Variants in TMPRSS7 observed in about 807,000 individuals in gnomAD.
TMPRSS7 encodes the protein transmembrane protease serine 7.
In TMPRSS7, 81 loss-of-function variants were observed where a neutral mutation model predicts 95.6. That is an observed-to-expected ratio of 0.85 (90% CI 0.71 to 1.02). The LOEUF (loss-of-function observed/expected upper bound fraction) is 1.02. TMPRSS7 is among the 50% of genes least tolerant of loss of function. The pLI is 0.00. For synonymous variants in TMPRSS7, 364 were observed against 337.8 expected, an observed-to-expected ratio of 1.08 and a Z score of -0.85; for missense variants, 945 against 955.2, an observed-to-expected ratio of 0.99 and a Z score of 0.14.
At chr3:112,046,026 A>T in intron 5 of TMPRSS7, 83 bp downstream of exon 5, 2 of 1,180,146 alleles carry the variant, frequency 1.7e-6, no homozygotes, top group Non-Finnish European at 2.4e-6. Context: ...CATTGTAATG[A>T]AGCATTACAA....
At chr3:112,040,019 T>A (rs1189260431) in intron 2 of TMPRSS7, among the ~76,000 whole-genome samples, 1 of 152,016 alleles carries the variant, frequency 6.6e-6, no homozygotes, top group Non-Finnish European at 1.5e-5. Flanking sequence ...AATTGGAGAG[T>A]TGCTTGGTGT....
At chr3:112,044,434 G>C (rs537881004) in intron 4 of TMPRSS7, 112 bp downstream of exon 4, 1 of 870,478 alleles carries the variant, frequency 1.1e-6, no homozygotes, top group East Asian at 2.7e-5. Flanking sequence ...GGAAGTGGTT[G>C]GGGATTCATA....
intron 7 of TMPRSS7, among the ~76,000 whole-genome samples, chr3:112,048,729 C>A (rs1162737006): frequency 6.6e-6 from 1 of 152,180 alleles, no homozygotes; most frequent in Non-Finnish European, 1.5e-5. Flanking sequence ...GTTAAAAATT[C>A]AAACACTATA....
At chr3:112,056,800 C>T (rs557226373) in intron 9 of TMPRSS7, among the ~76,000 whole-genome samples, 6 of 152,306 alleles carry the variant, frequency 3.9e-5, no homozygotes, top group Admixed American at 2.6e-4. Context: ...TCTCAAGTCA[C>T]CCCGCTCCAC....
At chr3:112,050,022 A>G (rs748554739) in intron 8 of TMPRSS7, 48 bp downstream of exon 8, 5 of 1,490,924 alleles carry the variant, frequency 3.4e-6, no homozygotes, top group Non-Finnish European at 4.5e-6. Context: ...AATATTTGTA[A>G]TGATAGGCTA....
At chr3:112,040,469 A>G (rs1057294997) in intron 2 of TMPRSS7, among the ~76,000 whole-genome samples, 10 of 152,188 alleles carry the variant, frequency 6.6e-5, no homozygotes, top group Non-Finnish European at 1.2e-4. Context: ...ACTGTTCATT[A>G]TGTGTTGGGT....
At chr3:112,078,815 C>T (rs377496128) in exon 17 of TMPRSS7, 23 of 1,614,166 alleles carry the variant, frequency 1.4e-5, no homozygotes, top group Middle Eastern at 3.3e-4. Context: ...TTTCCACCTA[C>T]GGGATCATCA....
intron 13 of TMPRSS7, among the ~76,000 whole-genome samples, chr3:112,070,677 C>T (rs568205630): frequency 1.3e-4 from 20 of 152,170 alleles, no homozygotes; most frequent in African/African-American, 4.6e-4. Context: ...TTTTCATTTG[C>T]TTGGTAGATC....
At position 112,049,834 on chromosome 3, in the gene TMPRSS7, C is replaced by G. The variant is rs754845912; in HGVS notation, c.960-10C>G. On this transcript the variant is annotated splice_polypyrimidine_tract_variant and intron_variant, in intron 7 of 17. Transcript: ENST00000452346. ...TATTCATGTACTTTTGTTTTATTAT[C>G]TGCTTTCAGAATTTGTGAACCCACA... The G allele has an allele frequency of 1.3e-6, 2 of 1,507,240 alleles. No homozygotes were observed. The highest frequency in any genetic ancestry group is 2.7e-5 in the South Asian group (2 of 74,050). The allele number at this position is 1,507,240 out of a possible 1,614,324, so 93.4% of individuals were successfully genotyped here. A position where few individuals can be genotyped will look rare whatever the true frequency, so the allele number is the denominator to read the frequency against.
intron 3 of TMPRSS7, among the ~76,000 whole-genome samples, chr3:112,044,033 A>G (rs1225373456): frequency 6.6e-6 from 1 of 152,216 alleles, no homozygotes; most frequent in Non-Finnish European, 1.5e-5. Flanking sequence ...CTTTTCACTG[A>G]TTTTTCACAG....
intron 6 of TMPRSS7, chr3:112,047,405 C>T (rs552747631): frequency 5.0e-5 from 28 of 563,602 alleles, no homozygotes; most frequent in Non-Finnish European, 8.4e-5. Context: ...ATTGCTCTTG[C>T]AGAAGTCCTG....
At chr3:112,072,421 G>T (rs1224923303) in intron 13 of TMPRSS7, among the ~76,000 whole-genome samples, 1 of 152,206 alleles carries the variant, frequency 6.6e-6, no homozygotes, top group Non-Finnish European at 1.5e-5. Context: ...GCTACACAGG[G>T]GTCAGGGACC....
intron 7 of TMPRSS7, 139 bp from the exon 8 acceptor site, chr3:112,049,705 C>G: frequency 1.6e-6 from 1 of 620,398 alleles, no homozygotes; most frequent in South Asian, 4.5e-5. Context: ...GGATGAGGAT[C>G]TGGCTGGGAG....
At chr3:112,052,083 A>G (rs1239691689) in intron 9 of TMPRSS7, among the ~76,000 whole-genome samples, 1 of 152,084 alleles carries the variant, frequency 6.6e-6, no homozygotes, top group African/African-American at 2.4e-5. Flanking sequence ...AACAAGTTAA[A>G]TACGCGTAAT....
intron 9 of TMPRSS7, among the ~76,000 whole-genome samples, chr3:112,055,304 C>T (rs1433882267): frequency 1.3e-5 from 2 of 152,034 alleles, no homozygotes; most frequent in African/African-American, 2.4e-5. Flanking sequence ...TACTTCTGTG[C>T]AATGGGATTC....
At chr3:112,081,195 G>A (rs1269137414), downstream of TMPRSS7, 4 of 1,002,320 alleles carry the variant, frequency 4.0e-6, no homozygotes, top group African/African-American at 5.0e-5. Flanking sequence ...CACGTTGGGA[G>A]GCCGAGGCGG....
chr3:112,047,884 C>T (rs267599546), exon 7 of TMPRSS7: 4 of 1,613,950 alleles, frequency 2.5e-6, no homozygotes, highest in Non-Finnish European at 3.4e-6. Context: ...TCAAGTCCAT[C>T]CAAATCGAAG....
exon 2 of TMPRSS7, chr3:112,038,230 C>T (rs2073169479): frequency 1.4e-6 from 1 of 702,930 alleles, no homozygotes. Flanking sequence ...AAAAAGTTCC[C>T]TTTTGGAATG....
intron 1 of TMPRSS7, among the ~76,000 whole-genome samples, chr3:112,036,936 A>G (rs1029213607): frequency 8.5e-5 from 13 of 152,112 alleles, no homozygotes; most frequent in African/African-American, 2.9e-4. Context: ...CATTTCCCCA[A>G]TCAATACTCT....
Sources: allele counts gnomAD v4.1 joint callset (sites outside exome capture counted in the v4.1 genomes callset), GRCh38; gene constraint gnomAD v4.1.1; transcripts MANE v1.5; gene names NCBI Gene and HGNC (gene_info 2026-07-23, HGNC 2026-07-21).